The following SLC36A1 variants were observed in gnomAD, a reference collection of about 807,000 sequenced individuals.
SLC36A1 encodes proton-coupled amino acid transporter 1.
SLC36A1 carries 30 observed loss-of-function variants against 47.5 expected under a neutral mutation model. The ratio of observed to expected loss-of-function variants is 0.63; its 90% CI spans 0.47 to 0.86. The LOEUF (loss-of-function observed/expected upper bound fraction) is 0.86. Among genes scored for constraint, SLC36A1 ranks in the 40% least tolerant of loss-of-function variants. The pLI is 0.00. For missense variants in SLC36A1, 517 were observed against 606.0 expected, an observed-to-expected ratio of 0.85 and a Z score of 1.54; for synonymous variants, 255 against 249.7, an observed-to-expected ratio of 1.02 and a Z score of -0.20.
At chr5:151,447,895 C>T (rs1040818610) in intron 1 of SLC36A1, 82 bp downstream of exon 1, 1 of 152,310 alleles carries the variant, frequency 6.6e-6, no homozygotes, top group Non-Finnish European at 1.5e-5. Context: ...ACGCTGACAC[C>T]CCTCTGTGAA....
At chr5:151,366,053 T>C in the SLC36A1 span, among the ~76,000 whole-genome samples, 2 of 152,162 alleles carry the variant, frequency 1.3e-5, no homozygotes. Context: ...ATCACCAACA[T>C]TTGTAGAGCA....
chr5:151,367,374 T>TTTTTTTTTTTTTTTTTC, the SLC36A1 span, among the ~76,000 whole-genome samples: 53 of 145,524 alleles, frequency 3.6e-4, no homozygotes, highest in African/African-American at 9.1e-4. Context: ...TTTTTTTTTT[T>TTTTTTTTTTTTTTTTTC]CCCCAGGGTA....
At chr5:151,407,614 A>T in the SLC36A1 span, among the ~76,000 whole-genome samples, 5 of 152,282 alleles carry the variant, frequency 3.3e-5, no homozygotes, top group South Asian at 4.1e-4. Context: ...TCCCCACCCG[A>T]CCCAGAAGCC....
At chr5:151,448,872 C>T (rs565155440) in intron 1 of SLC36A1, among the ~76,000 whole-genome samples, 2 of 152,260 alleles carry the variant, frequency 1.3e-5, no homozygotes, top group African/African-American at 4.8e-5. Context: ...AGGGCCCCTT[C>T]TGCTGTGATC....
chr5:151,477,290 T>C (rs1758205254), intron 9 of SLC36A1, among the ~76,000 whole-genome samples: 3 of 152,232 alleles, frequency 2.0e-5, no homozygotes, highest in Non-Finnish European at 4.4e-5. Flanking sequence ...AGAGCAACCA[T>C]CCTGTTTTGA....
At chr5:151,427,579 C>T in the SLC36A1 span, among the ~76,000 whole-genome samples, 1 of 152,130 alleles carries the variant, frequency 6.6e-6, no homozygotes, top group Non-Finnish European at 1.5e-5. Context: ...GTTAAGTTGT[C>T]AGGGGCCAGG....
At chr5:151,413,362 A>G in the SLC36A1 span, among the ~76,000 whole-genome samples, 3 of 152,224 alleles carry the variant, frequency 2.0e-5, no homozygotes, top group Admixed American at 6.5e-5. Flanking sequence ...TATGATATCA[A>G]TAACATAAAA....
At chr5:151,434,759 T>C (rs1759670444), upstream of SLC36A1, among the ~76,000 whole-genome samples, 1 of 152,168 alleles carries the variant, frequency 6.6e-6, no homozygotes, top group Admixed American at 6.5e-5. Context: ...TCCTCTCTGC[T>C]CTTTGCCATG....
chr5:151,529,717 G>A, the SLC36A1 span, among the ~76,000 whole-genome samples: 1 of 152,170 alleles, frequency 6.6e-6, no homozygotes, highest in Non-Finnish European at 1.5e-5. Context: ...GGACAATTAT[G>A]ATTCCCATTT....
chr5:151,481,779 G>A (rs914326072), intron 10 of SLC36A1, among the ~76,000 whole-genome samples: 2 of 152,104 alleles, frequency 1.3e-5, no homozygotes, highest in South Asian at 4.1e-4. Context: ...GTATTTCATA[G>A]GATAGTGCTC....
the SLC36A1 span, among the ~76,000 whole-genome samples, chr5:151,365,779 T>C: frequency 6.6e-6 from 1 of 152,304 alleles, no homozygotes; most frequent in South Asian, 2.1e-4. Context: ...TTCTGTGAAA[T>C]GGAGAAGACA....
chr5:151,544,789 TA>T, the SLC36A1 span: 1 of 1,614,194 alleles, frequency 6.2e-7, no homozygotes, highest in African/African-American at 1.3e-5. Context: ...GAAATATGTG[TA>T]ATCTTCTGCA....
the SLC36A1 span, among the ~76,000 whole-genome samples, chr5:151,346,587 G>C: frequency 1.3e-5 from 2 of 152,276 alleles, no homozygotes; most frequent in Admixed American, 1.3e-4. Flanking sequence ...TCTTCTTAAA[G>C]CAGCAGAACC....
chr5:151,408,725 T>C, the SLC36A1 span, among the ~76,000 whole-genome samples: 7 of 152,218 alleles, frequency 4.6e-5, no homozygotes, highest in African/African-American at 1.7e-4. Flanking sequence ...TCTATAAGAA[T>C]GCAGAATTCT....
At chr5:151,452,611 G>A (rs565641220) in intron 1 of SLC36A1, 2 of 152,180 alleles carry the variant, frequency 1.3e-5, no homozygotes, top group African/African-American at 2.4e-5. Context: ...CCTCTTGCCT[G>A]TAATCCCATC....
chr5:151,350,008 G>A, the SLC36A1 span, among the ~76,000 whole-genome samples: 1 of 152,208 alleles, frequency 6.6e-6, no homozygotes, highest in South Asian at 2.1e-4. Flanking sequence ...TTTGCCTGAG[G>A]TCGTATAATC....
At chr5:151,371,297 T>C in the SLC36A1 span, among the ~76,000 whole-genome samples, 4 of 152,188 alleles carry the variant, frequency 2.6e-5, no homozygotes, top group Admixed American at 2.6e-4. Flanking sequence ...TACTTTAATT[T>C]TCTATAAACT....
At chr5:151,375,008 T>C in the SLC36A1 span, among the ~76,000 whole-genome samples, 1 of 152,108 alleles carries the variant, frequency 6.6e-6, no homozygotes, top group African/African-American at 2.4e-5. Context: ...ATCTTGCAGA[T>C]TGTCTGTTCA....
the SLC36A1 span, among the ~76,000 whole-genome samples, chr5:151,386,021 G>A: frequency 8.6e-5 from 13 of 151,888 alleles, no homozygotes; most frequent in South Asian, 4.2e-4. Context: ...ATAGGCGCCC[G>A]CCACCACGTC....
Sources: gnomAD v4.1 joint callset for allele counts (sites outside exome capture counted in the v4.1 genomes callset) on GRCh38, gnomAD v4.1.1 for gene constraint, MANE v1.5 for transcripts, NCBI Gene and HGNC (gene_info 2026-07-23, HGNC 2026-07-21) for gene names.